CNTN6: variants seen among roughly 807,000 people sequenced by gnomAD.
CNTN6 encodes contactin-6.
Under a neutral mutation model 122.8 loss-of-function variants are expected in CNTN6, and 137 were observed. The observed-to-expected ratio is 1.12, with a 90% confidence interval of 0.97 to 1.29. CNTN6 has a LOEUF of 1.29. CNTN6 is among the 50% of genes most tolerant of loss of function. The pLI, the probability that CNTN6 is intolerant of heterozygous loss-of-function variation, is 0.00. For synonymous variants in CNTN6, 570 were observed against 426.0 expected, an observed-to-expected ratio of 1.34 and a Z score of -4.16; for missense variants, 1,634 against 1,223.4, an observed-to-expected ratio of 1.34 and a Z score of -5.01.
At chr3:1,305,840 C>T (rs1035916381) in intron 7 of CNTN6, among the ~76,000 whole-genome samples, 4 of 151,880 alleles carry the variant, frequency 2.6e-5, no homozygotes, top group African/African-American at 7.3e-5. Flanking sequence ...CTAAAGATAC[C>T]CAGCTTGGCT....
chr3:1,158,308 C>G (rs1446262575), intron 2 of CNTN6, among the ~76,000 whole-genome samples: 1 of 152,104 alleles, frequency 6.6e-6, no homozygotes, highest in Non-Finnish European at 1.5e-5. Context: ...TTTTCATATG[C>G]CTGTTTGCTA....
rs116008478 is a variant in CNTN6, at chr3:1,169,726, C to T, written c.55+21663C>T. ...ACATTTGTGCCAATTATGTAGATAG[C>T]CTGCAAAGCTGAGACACTTCTCACT... On this transcript the variant is annotated intron_variant, in intron 2 of 22. Transcript: ENST00000446702. 7.2e-3 allele frequency among the ~76,000 whole-genome samples: 1,099 copies of T among 152,194 alleles called. 16 individuals carry two copies. The highest frequency in any genetic ancestry group is 0.026 in the African/African-American group (1,066 of 41,532).
At chr3:1,358,481 A>G (rs1161407720) in intron 12 of CNTN6, among the ~76,000 whole-genome samples, 1 of 151,182 alleles carries the variant, frequency 6.6e-6, no homozygotes, top group Non-Finnish European at 1.5e-5. Context: ...TTAGGAATAA[A>G]CTATGTCATT....
In CNTN6 at chr3:1,347,481, C is replaced by T. The variant is rs1475597130; in HGVS notation, c.1365-4843C>T. Reference sequence around the variant, plus strand: ...AAATAAGGAGGAAACATACCAACACCGTAAGTCAAATGTCAGAATTTGGTG... The same window carrying T: ...AAATAAGGAGGAAACATACCAACACTGTAAGTCAAATGTCAGAATTTGGTG... On this transcript the variant is annotated intron_variant, in intron 11 of 22. Transcript: ENST00000446702. Among the ~76,000 whole-genome samples the T allele has an allele frequency of 4.6e-5, 7 of 151,962 alleles. No individual in the cohort carries two copies. In the East Asian group the frequency reaches 7.7e-4, roughly 17 times the overall value.
chr3:1,360,038 A>T (rs1028292878), intron 12 of CNTN6, among the ~76,000 whole-genome samples: 2 of 151,928 alleles, frequency 1.3e-5, no homozygotes, highest in African/African-American at 2.4e-5. Context: ...ATACTCCTTC[A>T]CTTTGGTTGA....
chr3:1,304,677 G>A (rs921048986), intron 7 of CNTN6, among the ~76,000 whole-genome samples: 2 of 152,036 alleles, frequency 1.3e-5, no homozygotes, highest in African/African-American at 4.8e-5. Flanking sequence ...CCAGCAACAA[G>A]TAAGTTTTAA....
At chr3:1,239,376 T>C (rs2313869) in intron 4 of CNTN6, among the ~76,000 whole-genome samples, 45,494 of 151,952 alleles carry the variant, frequency 0.3, 7,025 homozygotes, top group East Asian at 0.43. Flanking sequence ...CTACCAACAG[T>C]GACCAAGCTG....
chr3:1,263,490 G>T (rs1489323108), intron 4 of CNTN6, among the ~76,000 whole-genome samples: 1 of 152,120 alleles, frequency 6.6e-6, no homozygotes, highest in Non-Finnish European at 1.5e-5. Context: ...TTGGAAGCGA[G>T]TTCATTCGGG....
chr3:1,332,495 A>AAGGAAGG, intron 11 of CNTN6, among the ~76,000 whole-genome samples: 1 of 118,632 alleles, frequency 8.4e-6, no homozygotes, highest in Non-Finnish European at 1.7e-5. Context: ...AGGAAGGAAA[A>AAGGAAGG]AAGGAAGGAA....
At chr3:1,100,638 G>A (rs550807467) in intron 1 of CNTN6, among the ~76,000 whole-genome samples, 1 of 151,742 alleles carries the variant, frequency 6.6e-6, no homozygotes. Flanking sequence ...TTATTTCTAG[G>A]CTTCTGTCTT....
At chr3:1,175,958 C>T (rs2093440861) in intron 2 of CNTN6, among the ~76,000 whole-genome samples, 1 of 152,160 alleles carries the variant, frequency 6.6e-6, no homozygotes, top group Non-Finnish European at 1.5e-5. Context: ...CTGGTTGTGG[C>T]ATTTTCTGAA....
chr3:1,222,864 A>ATCC (rs1311919508), intron 3 of CNTN6, among the ~76,000 whole-genome samples: 3 of 152,012 alleles, frequency 2.0e-5, no homozygotes, highest in African/African-American at 7.2e-5. Flanking sequence ...CCCATCCTCC[A>ATCC]TCCTCCAGCA....
rs1559787274 is a variant in CNTN6 at position 1,311,397 on chromosome 3, T to TAAAATGTCTTTATATATACATAC, written c.762-10252_762-10251insAAATGTCTTTATATATACATACA. On this transcript the variant is annotated intron_variant, in intron 7 of 22. Transcript: ENST00000446702. ...TATAAAATGTCTTTATATGTACATA[T>TAAAATGTCTTTATATATACATAC]ATGTACATATAAAATGTCTTTATAT... Among the ~76,000 whole-genome samples the TAAAATGTCTTTATATATACATAC allele has an allele frequency of 8.4e-4, 72 of 85,282 alleles. 2 individuals are homozygous for TAAAATGTCTTTATATATACATAC. Among genetic ancestry groups the TAAAATGTCTTTATATATACATAC allele is most frequent in the African/African-American group, 3.8e-3 (69 of 18,332 alleles). 55.9% of individuals were successfully genotyped at this position (85,282 alleles called of 152,430 possible).
intron 2 of CNTN6, among the ~76,000 whole-genome samples, chr3:1,158,780 GTGTATATA>G (rs1191628493): frequency 2.0e-5 from 1 of 48,894 alleles, no homozygotes; most frequent in Non-Finnish European, 4.5e-5. Flanking sequence ...ATATATATGT[GTGTATATA>G]TGTGTATATA....
Position 1,247,719 on chromosome 3 carries a change from G to C in CNTN6, c.358+19726G>C, listed in dbSNP as rs147653155. Among the ~76,000 whole-genome samples the C allele has an allele frequency of 1.8e-3, 273 of 152,242 alleles. 1 individual carries two copies. The highest frequency in any genetic ancestry group is 3.2e-3 in the Non-Finnish European group (216 of 68,028). ...CTGTGAACCTGCATCAAGAGCAGTG[G>C]GTGATTCCGTGGATTATAGTCCCCT... On this transcript the variant is annotated intron_variant, in intron 4 of 22. Transcript: ENST00000446702.
At chr3:1,302,445 A>G (rs1223196390) in intron 7 of CNTN6, among the ~76,000 whole-genome samples, 1 of 152,112 alleles carries the variant, frequency 6.6e-6, no homozygotes. Context: ...TATAGACTAC[A>G]CATTTATTAG....
At chr3:1,188,722 A>G (rs1453030101) in intron 2 of CNTN6, among the ~76,000 whole-genome samples, 2 of 152,254 alleles carry the variant, frequency 1.3e-5, no homozygotes, top group African/African-American at 2.4e-5. Context: ...AAAAATCTCA[A>G]TTTAAATATA....
intron 2 of CNTN6, among the ~76,000 whole-genome samples, chr3:1,212,497 ATGTGTGTATATATATACATATG>A (rs1244154329): frequency 5.0e-5 from 6 of 120,656 alleles, no homozygotes; most frequent in African/African-American, 1.2e-4. Context: ...ATATATATAC[ATGTGTGTATATATATACATATG>A]TGTGTGTATA....
intron 12 of CNTN6, among the ~76,000 whole-genome samples, chr3:1,370,863 A>G (rs1708914031): frequency 6.6e-6 from 1 of 152,074 alleles, no homozygotes; most frequent in Admixed American, 6.6e-5. Context: ...TAATAATAAC[A>G]AAAGTAAAAA....
Sources: gnomAD v4.1 joint callset for allele counts (sites outside exome capture counted in the v4.1 genomes callset) on GRCh38, gnomAD v4.1.1 for gene constraint, MANE v1.5 for transcripts, NCBI Gene and HGNC (gene_info 2026-07-23, HGNC 2026-07-21) for gene names.